Variants in CPA6 observed in about 807,000 individuals in gnomAD.
CPA6 encodes the protein carboxypeptidase A6.
In CPA6, 58 loss-of-function variants were observed where a neutral mutation model predicts 63.3. That is an observed-to-expected ratio of 0.92 (90% confidence interval 0.74 to 1.14). The LOEUF is 1.14. CPA6 is among the 50% of genes most tolerant of loss of function. The pLI is 0.00. For missense variants in CPA6, 565 were observed against 526.6 expected, an observed-to-expected ratio of 1.07 and a Z score of -0.71; for synonymous variants, 185 against 179.0, an observed-to-expected ratio of 1.03 and a Z score of -0.27.
chr8:67,632,832 A>G lies in CPA6; in HGVS notation c.117-8581T>C, dbSNP rs575626318. Among the ~76,000 whole-genome samples, 28 of 152,366 alleles carry G rather than the reference A, an allele frequency of 1.8e-4. No homozygotes were observed. The South Asian group carries it at 5.6e-3, about 30-fold the overall frequency. ...ATATCTACTCTGTAGACTTCGTTGC[A>G]TTGGTATTTATGACCTAATATGTAT... On this transcript the variant is annotated intron_variant, in intron 1 of 10. Coordinates refer to ENST00000297770, the MANE Select transcript of CPA6 (RefSeq NM_020361.5).
At chr8:67,644,943 G>A (rs900658163) in intron 1 of CPA6, among the ~76,000 whole-genome samples, 10 of 152,146 alleles carry the variant, frequency 6.6e-5, no homozygotes, top group Admixed American at 2.0e-4. Context: ...GTCTCAGAAT[G>A]CACCTATAGG....
At chr8:67,736,254 A>G (rs1157668824) in intron 1 of CPA6, among the ~76,000 whole-genome samples, 1 of 152,158 alleles carries the variant, frequency 6.6e-6, no homozygotes, top group African/African-American at 2.4e-5. Flanking sequence ...TATCTTAAGG[A>G]GTAAAAGCAA....
At chr8:67,731,390 T>C (rs1450226168) in intron 1 of CPA6, among the ~76,000 whole-genome samples, 1 of 152,228 alleles carries the variant, frequency 6.6e-6, no homozygotes, top group African/African-American at 2.4e-5. Flanking sequence ...GTGCCCATCC[T>C]CTCACTTCTT....
At chr8:67,693,722 G>A (rs1248632350) in intron 1 of CPA6, among the ~76,000 whole-genome samples, 5 of 152,142 alleles carry the variant, frequency 3.3e-5, no homozygotes, top group African/African-American at 7.2e-5. Context: ...AAATCTGCTG[G>A]CCCTTTCTTC....
At chr8:67,466,646 T>C (rs961119551) in intron 8 of CPA6, among the ~76,000 whole-genome samples, 2 of 152,212 alleles carry the variant, frequency 1.3e-5, no homozygotes, top group Non-Finnish European at 2.9e-5. Context: ...CCAGAGATTT[T>C]GTATGTTCTA....
At chr8:67,668,948 C>T (rs1183377004) in intron 1 of CPA6, among the ~76,000 whole-genome samples, 1 of 152,110 alleles carries the variant, frequency 6.6e-6, no homozygotes, top group Non-Finnish European at 1.5e-5. Context: ...TGGATGCTCG[C>T]CTGCAGGTAG....
rs576702690 is a variant in CPA6 at position 67,594,989 on chromosome 8, T to C, written c.192+29187A>G. On this transcript the variant is annotated intron_variant, in intron 2 of 10. Transcript: ENST00000297770. ...TAGAGTTTCCAGTTTTTCTGCTCTG[T>C]TTTTTCCCCATCTTTGTGGTTTTAT... is the stretch of plus-strand genomic sequence containing the variant. 3.3e-5 allele frequency among the ~76,000 whole-genome samples: 5 copies of C among 152,296 alleles called. No individual in the cohort carries two copies. In the East Asian group the frequency reaches 9.6e-4, roughly 29 times the overall value.
intron 2 of CPA6, among the ~76,000 whole-genome samples, chr8:67,555,108 A>C (rs1223381255): frequency 6.6e-6 from 1 of 152,164 alleles, no homozygotes; most frequent in Admixed American, 6.5e-5. Flanking sequence ...ACCCACAATA[A>C]ATATTTGGTT....
intron 3 of CPA6, among the ~76,000 whole-genome samples, 177 bp downstream of exon 3, chr8:67,517,746 C>T (rs1812175887): frequency 6.6e-6 from 1 of 152,218 alleles, no homozygotes; most frequent in African/African-American, 2.4e-5. Flanking sequence ...TCGTTGCTCC[C>T]ATCCCCCATT....
At chr8:67,575,621 C>T (rs1813602714) in intron 2 of CPA6, among the ~76,000 whole-genome samples, 1 of 152,158 alleles carries the variant, frequency 6.6e-6, no homozygotes, top group East Asian at 1.9e-4. Context: ...GTTTGGGAGG[C>T]CAAGGCGAGA....
At chr8:67,729,217 A>G (rs1205930083) in intron 1 of CPA6, among the ~76,000 whole-genome samples, 1 of 152,248 alleles carries the variant, frequency 6.6e-6, no homozygotes, top group Non-Finnish European at 1.5e-5. Flanking sequence ...TTATTTGCAC[A>G]TTAAAATTCA....
At chr8:67,567,830 C>T (rs1035739733) in intron 2 of CPA6, among the ~76,000 whole-genome samples, 7 of 152,184 alleles carry the variant, frequency 4.6e-5, no homozygotes, top group African/African-American at 1.4e-4. Context: ...CAGCCAGCTT[C>T]CCTAGCATTC....
At chr8:67,455,818 G>A (rs1227110858) in intron 8 of CPA6, among the ~76,000 whole-genome samples, 2 of 151,926 alleles carry the variant, frequency 1.3e-5, no homozygotes, top group African/African-American at 4.8e-5. Flanking sequence ...GGGCTTAGGT[G>A]ATCCTCCCAC....
At chr8:67,567,408 T>C (rs1186551173) in intron 2 of CPA6, among the ~76,000 whole-genome samples, 7 of 152,246 alleles carry the variant, frequency 4.6e-5, no homozygotes, top group Admixed American at 4.6e-4. Flanking sequence ...TACTCTTATA[T>C]GGCAATCATT....
chr8:67,733,196 C>CAAAAAAAAAAAAAAAAAAAAAAA (rs1211323183), intron 1 of CPA6, among the ~76,000 whole-genome samples: 1 of 14,896 alleles, frequency 6.7e-5, no homozygotes, highest in Non-Finnish European at 1.4e-4. Flanking sequence ...GACTCCATCT[C>CAAAAAAAAAAAAAAAAAAAAAAA]AAAAAAAAAA....
chr8:67,640,003 G>A (rs1176460668), intron 1 of CPA6, among the ~76,000 whole-genome samples: 8 of 151,342 alleles, frequency 5.3e-5, no homozygotes, highest in African/African-American at 2.0e-4. Flanking sequence ...GGAGACCCTG[G>A]GGTGGGTAGC....
intron 8 of CPA6, among the ~76,000 whole-genome samples, chr8:67,451,716 C>G (rs956971491): frequency 3.3e-5 from 5 of 152,138 alleles, no homozygotes; most frequent in African/African-American, 9.7e-5. Context: ...GACAACTAAA[C>G]TCCAGTTCAT....
chr8:67,700,515 T>TA (rs1817001676), intron 1 of CPA6, among the ~76,000 whole-genome samples: 1 of 151,892 alleles, frequency 6.6e-6, no homozygotes. Context: ...TTTGGTATTT[T>TA]GGGGAGACAA....
At chr8:67,634,947 G>A (rs1010840526) in intron 1 of CPA6, among the ~76,000 whole-genome samples, 9 of 151,196 alleles carry the variant, frequency 6.0e-5, no homozygotes, top group Admixed American at 6.6e-5. Flanking sequence ...GAGTACAGTG[G>A]TACCATCATG....
Sources: gnomAD v4.1 joint callset for allele counts (sites outside exome capture counted in the v4.1 genomes callset) on GRCh38, gnomAD v4.1.1 for gene constraint, MANE v1.5 for transcripts, NCBI Gene and HGNC (gene_info 2026-07-23, HGNC 2026-07-21) for gene names.